CNTNAP4: variants seen among roughly 807,000 people sequenced by gnomAD.
CNTNAP4 encodes contactin associated protein family member 4.
In CNTNAP4, 98 loss-of-function variants were observed where a neutral mutation model predicts 148.4. That is an observed-to-expected ratio of 0.66 (90% CI 0.56 to 0.78). CNTNAP4 has a LOEUF of 0.78. CNTNAP4 is among the 30% of genes least tolerant of loss of function. CNTNAP4 has a pLI of 0.00. For missense variants in CNTNAP4, 1,935 were observed against 1,565.6 expected (o/e 1.24, Z -3.98); for synonymous variants, 730 against 565.1 (o/e 1.29, Z -4.14).
intron 3 of CNTNAP4, among the ~76,000 whole-genome samples, chr16:76,389,428 G>A (rs1030480618): frequency 6.6e-6 from 1 of 152,076 alleles, no homozygotes; most frequent in Non-Finnish European, 1.5e-5. Flanking sequence ...TGACAGTGCT[G>A]TTTAGTTTTT....
intron 21 of CNTNAP4, among the ~76,000 whole-genome samples, chr16:76,544,674 T>G (rs2084629300): frequency 6.6e-6 from 1 of 152,238 alleles, no homozygotes; most frequent in Non-Finnish European, 1.5e-5. Context: ...ATTAAGCTCT[T>G]GAGTTCTATT....
At chr16:76,521,981 G>C in intron 16 of CNTNAP4, 58 bp from the exon 17 acceptor site, 2 of 1,468,904 alleles carry the variant, frequency 1.4e-6, no homozygotes, top group South Asian at 2.3e-5. Context: ...GTATATTGGA[G>C]ACTCGGCACT....
chr16:76,491,909 T>G (rs2082237857), intron 13 of CNTNAP4, among the ~76,000 whole-genome samples: 1 of 152,198 alleles, frequency 6.6e-6, no homozygotes, highest in East Asian at 1.9e-4. Context: ...GACACTTAGG[T>G]TTTTCCGTAT....
chr16:76,553,926 G>T lies in CNTNAP4; in HGVS notation c.3733+19G>T. The T allele has an allele frequency of 6.7e-7, 1 of 1,481,700 alleles. No homozygotes were observed. Among genetic ancestry groups the T allele is most frequent in the Non-Finnish European group, 9.4e-7 (1 of 1,061,898 alleles). 91.8% of individuals were successfully genotyped at this position (1,481,700 alleles called of 1,614,324 possible). ...ATTGGAGGTAATAAGAAGCATGAAT[G>T]AGCTCTTCTTTGGTTGTTCTTATTA... On this transcript the variant is annotated intron_variant, in intron 23 of 23. Transcript: ENST00000611870.
intron 3 of CNTNAP4, among the ~76,000 whole-genome samples, chr16:76,415,930 G>T (rs1163924459): frequency 3.4e-5 from 5 of 146,206 alleles, no homozygotes; most frequent in African/African-American, 1.3e-4. Context: ...TATACTGTTT[G>T]TTTTTTTTTT....
chr16:76,509,758 C>T (rs2082946464), intron 15 of CNTNAP4, among the ~76,000 whole-genome samples: 1 of 96,846 alleles, frequency 1.0e-5, no homozygotes, highest in African/African-American at 2.6e-5. Flanking sequence ...CTTTTAAAGG[C>T]TAACCACTAG....
At chr16:76,468,701 T>G (rs1456654656) in intron 10 of CNTNAP4, among the ~76,000 whole-genome samples, 2 of 151,966 alleles carry the variant, frequency 1.3e-5, no homozygotes, top group Admixed American at 6.6e-5. Context: ...CAGGTTGTTA[T>G]GCCCACTTCA....
intron 15 of CNTNAP4, among the ~76,000 whole-genome samples, chr16:76,500,297 G>C (rs1431332383): frequency 6.6e-6 from 1 of 152,164 alleles, no homozygotes; most frequent in Non-Finnish European, 1.5e-5. Context: ...TTTTAAGTAC[G>C]GTCTGAAATA....
intron 2 of CNTNAP4, among the ~76,000 whole-genome samples, chr16:76,317,252 C>G (rs1346884061): frequency 1.2e-5 from 1 of 86,282 alleles, no homozygotes; most frequent in Non-Finnish European, 2.4e-5. Flanking sequence ...GACCCTGTCT[C>G]AAAAAAAAAA....
chr16:76,301,814 G>A (rs889065680), intron 1 of CNTNAP4, among the ~76,000 whole-genome samples: 1 of 152,160 alleles, frequency 6.6e-6, no homozygotes, highest in African/African-American at 2.4e-5. Flanking sequence ...ATGATCTAAG[G>A]CATGGGGAAG....
intron 2 of CNTNAP4, among the ~76,000 whole-genome samples, chr16:76,352,612 A>C (rs1333786232): frequency 6.6e-6 from 1 of 152,138 alleles, no homozygotes; most frequent in Non-Finnish European, 1.5e-5. Flanking sequence ...TGCACTGAGA[A>C]TTAATTTACA....
chr16:76,339,348 A>G (rs1964278255), intron 2 of CNTNAP4, among the ~76,000 whole-genome samples: 5 of 152,170 alleles, frequency 3.3e-5, no homozygotes. Flanking sequence ...AGCTACTACG[A>G]TAGGTTATAC....
chr16:76,471,397 G>T (rs993301359), intron 10 of CNTNAP4, among the ~76,000 whole-genome samples: 1 of 152,178 alleles, frequency 6.6e-6, no homozygotes, highest in Non-Finnish European at 1.5e-5. Context: ...GCACACTGGG[G>T]CTGCAGAGAC....
chr16:76,410,715 A>G (rs148082645), intron 3 of CNTNAP4, among the ~76,000 whole-genome samples: 185 of 151,830 alleles, frequency 1.2e-3, no homozygotes, highest in African/African-American at 4.2e-3. Context: ...ACTAAATTGT[A>G]CAGAATCTGA....
At chr16:76,455,303 A>G (rs2080683517) in intron 8 of CNTNAP4, among the ~76,000 whole-genome samples, 1 of 152,210 alleles carries the variant, frequency 6.6e-6, no homozygotes, top group Non-Finnish European at 1.5e-5. Context: ...TTTTTGCGTA[A>G]CAGTGAAAAT....
At position 76,490,834 on chromosome 16, in the gene CNTNAP4, G is replaced by A. The variant is rs143877119; in HGVS notation, c.2080+951G>A. On this transcript the variant is annotated intron_variant, in intron 13 of 23. Transcript: ENST00000611870. Reference sequence around the variant, plus strand: ...ACGTATTTTCTAGCAGTGGCATTGAGGTGTATTTTTCTTTACATATTAGAT... The same window carrying A: ...ACGTATTTTCTAGCAGTGGCATTGAAGTGTATTTTTCTTTACATATTAGAT... 7.5e-3 allele frequency among the ~76,000 whole-genome samples: 1,148 copies of A among 152,080 alleles called. 4 individuals are homozygous for A. The highest frequency in any genetic ancestry group is 0.017 in the Middle Eastern group (5 of 294).
chr16:76,541,871 G>A (rs1380927213), intron 21 of CNTNAP4, among the ~76,000 whole-genome samples: 1 of 152,196 alleles, frequency 6.6e-6, no homozygotes, highest in African/African-American at 2.4e-5. Flanking sequence ...AAAAAAATAT[G>A]TGCAAAGTAC....
intron 8 of CNTNAP4, among the ~76,000 whole-genome samples, chr16:76,456,754 AAAAT>A (rs1284202381): frequency 6.6e-6 from 1 of 152,134 alleles, no homozygotes; most frequent in African/African-American, 2.4e-5. Flanking sequence ...ATATGAGCAA[AAAAT>A]AAATAAAATA....
chr16:76,280,478 C>G (rs973059142), intron 1 of CNTNAP4, among the ~76,000 whole-genome samples: 42 of 152,092 alleles, frequency 2.8e-4, no homozygotes, highest in African/African-American at 9.9e-4. Context: ...ATGTAGATAT[C>G]TGTAAACTAC....
Sources: allele counts gnomAD v4.1 joint callset (sites outside exome capture counted in the v4.1 genomes callset), GRCh38; gene constraint gnomAD v4.1.1; transcripts MANE v1.5; gene names NCBI Gene and HGNC (gene_info 2026-07-23, HGNC 2026-07-21).